Variants in MDGA2 observed in about 807,000 individuals in gnomAD.
MDGA2 encodes MAM domain containing glycosylphosphatidylinositol anchor 2, also known as MAM domain-containing glycosylphosphatidylinositol anchor protein 2.
A neutral mutation model predicts 117.8 loss-of-function variants in MDGA2; 40 were observed. The observed-to-expected ratio is 0.34, with a 90% CI of 0.26 to 0.44. The LOEUF is 0.44. Among genes scored for constraint, MDGA2 ranks in the 20% least tolerant of loss-of-function variants. The probability of loss-of-function intolerance (pLI) is 1.00; values close to 1 mark genes in which losing one functional copy is unlikely to be tolerated. For synonymous variants in MDGA2, 452 were observed against 439.0 expected (o/e 1.03, Z -0.37); for missense variants, 1,123 against 1,250.6 (o/e 0.90, Z 1.54).
intron 1 of MDGA2, among the ~76,000 whole-genome samples, chr14:47,524,366 G>A (rs754305789): frequency 2.0e-5 from 3 of 152,152 alleles, no homozygotes; most frequent in Non-Finnish European, 4.4e-5. Flanking sequence ...ATCACTTCAC[G>A]CCAGAAAACT....
intron 1 of MDGA2, among the ~76,000 whole-genome samples, chr14:47,589,176 G>A (rs1382222271): frequency 6.6e-6 from 1 of 151,760 alleles, no homozygotes; most frequent in Non-Finnish European, 1.5e-5. Context: ...ATCTTTGTGG[G>A]GCAGTTATTT....
chr14:46,859,092 A>T (rs1881402928), intron 14 of MDGA2, among the ~76,000 whole-genome samples: 1 of 152,142 alleles, frequency 6.6e-6, no homozygotes, highest in South Asian at 2.1e-4. Context: ...TTACCTATGA[A>T]TCTTACTGGG....
chr14:47,200,942 C>T (rs1356115591), intron 3 of MDGA2: 4 of 827,298 alleles, frequency 4.8e-6, no homozygotes, highest in South Asian at 4.0e-5. Context: ...TCGCTCGGTC[C>T]GAACTTCAAC....
At chr14:47,509,030 A>C (rs1488315009) in intron 1 of MDGA2, among the ~76,000 whole-genome samples, 2 of 152,142 alleles carry the variant, frequency 1.3e-5, no homozygotes, top group African/African-American at 4.8e-5. Flanking sequence ...CAAAGAGTTA[A>C]GATGGTTGCA....
At chr14:47,232,528 C>T (rs956362150) in intron 2 of MDGA2, among the ~76,000 whole-genome samples, 2 of 152,074 alleles carry the variant, frequency 1.3e-5, no homozygotes, top group Non-Finnish European at 2.9e-5. Flanking sequence ...TGAACCCTGA[C>T]TGATAAACCT....
At chr14:47,102,971 A>G (rs1880428258) in intron 5 of MDGA2, among the ~76,000 whole-genome samples, 1 of 152,162 alleles carries the variant, frequency 6.6e-6, no homozygotes, top group Non-Finnish European at 1.5e-5. Context: ...ACATGGAGAC[A>G]ATGTGTAAAG....
At chr14:47,134,532 G>A (rs1041877199) in intron 4 of MDGA2, among the ~76,000 whole-genome samples, 6 of 151,830 alleles carry the variant, frequency 4.0e-5, no homozygotes, top group East Asian at 1.9e-4. Flanking sequence ...GTGCTTTTAG[G>A]TTTGGAAGGA....
At chr14:47,502,061 T>C (rs191776850) in intron 1 of MDGA2, among the ~76,000 whole-genome samples, 2 of 152,252 alleles carry the variant, frequency 1.3e-5, no homozygotes, top group Admixed American at 6.5e-5. Flanking sequence ...TATGGATACA[T>C]AGAATTAATT....
chr14:47,426,984 T>C (rs1035580456), intron 1 of MDGA2, among the ~76,000 whole-genome samples: 5 of 152,046 alleles, frequency 3.3e-5, no homozygotes, highest in African/African-American at 1.2e-4. Context: ...AAAGTAATAA[T>C]AGTTAGCAAG....
intron 9 of MDGA2, among the ~76,000 whole-genome samples, chr14:46,942,919 A>C (rs1190165320): frequency 1.3e-5 from 2 of 152,132 alleles, no homozygotes; most frequent in Admixed American, 6.6e-5. Context: ...AATTTACTTA[A>C]TAGTATGCTT....
At chr14:46,910,533 A>C (rs2138479194) in intron 10 of MDGA2, among the ~76,000 whole-genome samples, 1 of 152,288 alleles carries the variant, frequency 6.6e-6, no homozygotes, top group African/African-American at 2.4e-5. Context: ...CATCACACTG[A>C]ATGGGCAAAA....
intron 1 of MDGA2, among the ~76,000 whole-genome samples, chr14:47,574,500 C>A (rs540102484): frequency 6.6e-6 from 1 of 152,212 alleles, no homozygotes; most frequent in South Asian, 2.1e-4. Flanking sequence ...TTCAAATATT[C>A]TTTTTGCTTT....
chr14:46,898,501 T>C (rs1883166040), intron 10 of MDGA2, among the ~76,000 whole-genome samples: 1 of 152,018 alleles, frequency 6.6e-6, no homozygotes, highest in Non-Finnish European at 1.5e-5. Flanking sequence ...TAGGTTAGAA[T>C]ATAGAAGCAT....
chr14:47,606,632 C>A (rs1379548175), intron 1 of MDGA2, among the ~76,000 whole-genome samples: 4 of 152,086 alleles, frequency 2.6e-5, no homozygotes, highest in Admixed American at 2.6e-4. Flanking sequence ...CTTGTGTCAG[C>A]AGATCCACCA....
At chr14:47,448,131 A>AT (rs1893164143) in intron 1 of MDGA2, among the ~76,000 whole-genome samples, 1 of 148,262 alleles carries the variant, frequency 6.7e-6, no homozygotes, top group Non-Finnish European at 1.5e-5. Context: ...TACTTTATTT[A>AT]TTTATTTTAT....
chr14:47,636,693 G>A (rs550307161), intron 1 of MDGA2, among the ~76,000 whole-genome samples: 23 of 147,150 alleles, frequency 1.6e-4, no homozygotes, highest in Non-Finnish European at 2.8e-4. Context: ...GCTGAGGCAG[G>A]AGAATGGCGT....
chr14:47,646,368 TAATAC>T (rs951058597), intron 1 of MDGA2, among the ~76,000 whole-genome samples: 26 of 151,988 alleles, frequency 1.7e-4, no homozygotes, highest in South Asian at 4.1e-4. Flanking sequence ...TACTCATATA[TAATAC>T]ATATAGATGC....
intron 1 of MDGA2, among the ~76,000 whole-genome samples, chr14:47,415,165 T>C (rs1054779521): frequency 4.6e-5 from 7 of 152,044 alleles, no homozygotes; most frequent in African/African-American, 1.7e-4. Flanking sequence ...CAGTAACCCT[T>C]TTGTACCAGA....
intron 8 of MDGA2, among the ~76,000 whole-genome samples, chr14:46,987,077 G>A (rs1388599134): frequency 6.6e-6 from 1 of 152,072 alleles, no homozygotes; most frequent in Non-Finnish European, 1.5e-5. Flanking sequence ...AGTAATAACA[G>A]TTCATGATAG....
Sources: gnomAD v4.1 joint callset for allele counts (sites outside exome capture counted in the v4.1 genomes callset) on GRCh38, gnomAD v4.1.1 for gene constraint, MANE v1.5 for transcripts, NCBI Gene and HGNC (gene_info 2026-07-23, HGNC 2026-07-21) for gene names.